Variants in TENM1 observed in about 807,000 individuals in gnomAD.
The protein encoded by TENM1 is teneurin-1.
A neutral mutation model predicts 174.8 loss-of-function variants in TENM1; 35 were observed. The ratio of observed to expected loss-of-function variants is 0.20; its 90% CI spans 0.15 to 0.27. The LOEUF is 0.27. TENM1 is among the 10% of genes least tolerant of loss of function. TENM1 has a pLI of 1.00. For missense variants in TENM1, 1,633 were observed against 2,130.1 expected, an observed-to-expected ratio of 0.77 and a Z score of 4.59; for synonymous variants, 781 against 798.7, an observed-to-expected ratio of 0.98 and a Z score of 0.37.
chrX:124,621,732 A>T (rs1384067447), intron 11 of TENM1, among the ~76,000 whole-genome samples: 1 of 112,131 alleles, frequency 8.9e-6, no homozygotes, highest in Non-Finnish European at 1.9e-5. Flanking sequence ...CAGATTATGG[A>T]TGCTCAACTT....
intron 5 of TENM1, among the ~76,000 whole-genome samples, chrX:124,675,072 C>G (rs994531082): frequency 9.0e-6 from 1 of 111,459 alleles, no homozygotes; most frequent in Non-Finnish European, 1.9e-5. Flanking sequence ...TCCAGCCAAT[C>G]AAGACAGATA....
chrX:125,102,024 C>T, the TENM1 span, among the ~76,000 whole-genome samples: 1 of 111,734 alleles, frequency 8.9e-6, no homozygotes, highest in South Asian at 3.7e-4. Context: ...TAACACCATA[C>T]AGTGCAATGA....
intron 1 of TENM1, among the ~76,000 whole-genome samples, chrX:124,939,209 T>C (rs965736971): frequency 8.9e-6 from 1 of 112,062 alleles, no homozygotes; most frequent in African/African-American, 3.2e-5. Context: ...CTTATACCTA[T>C]TGGACTTCCT....
At chrX:124,658,698 T>C (rs978733055) in intron 6 of TENM1, among the ~76,000 whole-genome samples, 4 of 112,018 alleles carry the variant, frequency 3.6e-5, no homozygotes, top group African/African-American at 6.5e-5. Flanking sequence ...AATCTTACAA[T>C]TGAGAAATAC....
the TENM1 span, among the ~76,000 whole-genome samples, chrX:125,197,598 C>G: frequency 9.0e-6 from 1 of 111,323 alleles, no homozygotes; most frequent in East Asian, 2.8e-4. Context: ...AAGTTTTAGT[C>G]AGATTTTAGT....
the TENM1 span, among the ~76,000 whole-genome samples, chrX:124,972,233 GA>G: frequency 0.01 from 955 of 94,412 alleles, 14 homozygotes; most frequent in African/African-American, 0.032. Flanking sequence ...ACTCCATCTC[GA>G]AAAAAAAAAA....
At chrX:124,608,809 C>G (rs1285810008) in intron 11 of TENM1, among the ~76,000 whole-genome samples, 1 of 104,020 alleles carries the variant, frequency 9.6e-6, no homozygotes, top group Non-Finnish European at 2.0e-5. Flanking sequence ...TTTTAGGATG[C>G]TTTATCAGAT....
chrX:124,454,370 T>G (rs1355586656), intron 22 of TENM1, among the ~76,000 whole-genome samples: 1 of 89,504 alleles, frequency 1.1e-5, no homozygotes, highest in African/African-American at 4.5e-5. Flanking sequence ...CAAACCAGGA[T>G]GAGCTGGTTA....
chrX:124,650,090 T>C (rs1298082219), intron 8 of TENM1, among the ~76,000 whole-genome samples: 1 of 105,279 alleles, frequency 9.5e-6, no homozygotes, highest in African/African-American at 3.5e-5. Context: ...TAATCCCAGC[T>C]ACTCTGAAGG....
At chrX:124,756,228 A>C (rs1401646305) in intron 3 of TENM1, among the ~76,000 whole-genome samples, 13 of 100,492 alleles carry the variant, frequency 1.3e-4, no homozygotes, top group Non-Finnish European at 1.8e-4. Flanking sequence ...TTCTCGCTTC[A>C]TTTCATTCAT....
chrX:124,426,652 A>G (rs763563821), intron 23 of TENM1, among the ~76,000 whole-genome samples: 1 of 111,449 alleles, frequency 9.0e-6, no homozygotes, highest in African/African-American at 3.3e-5. Flanking sequence ...TTCTGTTTCT[A>G]TGTTTCTGTG....
the TENM1 span, among the ~76,000 whole-genome samples, chrX:125,037,717 A>C: frequency 0.014 from 1,575 of 111,607 alleles, 33 homozygotes; most frequent in African/African-American, 0.048. Flanking sequence ...TGTTCTTCAA[A>C]TACTTACAGA....
At chrX:124,687,833 C>A (rs1032272851) in intron 5 of TENM1, among the ~76,000 whole-genome samples, 1 of 112,402 alleles carries the variant, frequency 8.9e-6, no homozygotes, top group South Asian at 3.7e-4. Flanking sequence ...CATGATCTAG[C>A]ACACATGTGG....
chrX:124,731,734 CTCATT>C (rs1395333676), intron 4 of TENM1, among the ~76,000 whole-genome samples: 1 of 111,990 alleles, frequency 8.9e-6, no homozygotes, highest in Non-Finnish European at 1.9e-5. Flanking sequence ...GTTAGACAAT[CTCATT>C]TCATTTCTAT....
intron 3 of TENM1, among the ~76,000 whole-genome samples, chrX:124,761,021 C>T (rs752344267): frequency 2.6e-4 from 29 of 111,560 alleles, no homozygotes; most frequent in Non-Finnish European, 4.7e-4. Flanking sequence ...GTTAGAATGG[C>T]GATCATTAAA....
At chrX:124,787,722 A>G (rs191994730) in intron 3 of TENM1, among the ~76,000 whole-genome samples, 4 of 112,455 alleles carry the variant, frequency 3.6e-5, no homozygotes, top group African/African-American at 1.3e-4. Context: ...CAAATTTCCA[A>G]TAAAAATATT....
chrX:125,111,712 G>C, the TENM1 span, among the ~76,000 whole-genome samples: 1 of 111,610 alleles, frequency 9.0e-6, no homozygotes, highest in African/African-American at 3.3e-5. Context: ...ACTGGGATCA[G>C]GTTTCAAATA....
At chrX:124,822,698 T>C (rs1312973015) in intron 3 of TENM1, among the ~76,000 whole-genome samples, 1 of 111,871 alleles carries the variant, frequency 8.9e-6, no homozygotes, top group African/African-American at 3.2e-5. Flanking sequence ...ACCTGTAAAG[T>C]GCTGGTACTG....
intron 1 of TENM1, among the ~76,000 whole-genome samples, chrX:124,907,225 C>T (rs2057762398): frequency 8.9e-6 from 1 of 112,080 alleles, no homozygotes; most frequent in Non-Finnish European, 1.9e-5. Context: ...TGTGTTCACA[C>T]ACTGTCATCA....
Sources: gnomAD v4.1 joint callset for allele counts (sites outside exome capture counted in the v4.1 genomes callset) on GRCh38, gnomAD v4.1.1 for gene constraint, MANE v1.5 for transcripts, NCBI Gene and HGNC (gene_info 2026-07-23, HGNC 2026-07-21) for gene names.